DMD: variants seen among roughly 807,000 people sequenced by gnomAD.
The protein encoded by DMD is mutant dystrophin.
DMD carries 63 observed loss-of-function variants against 330.1 expected under a neutral mutation model. The ratio of observed to expected loss-of-function variants is 0.19; its 90% CI spans 0.16 to 0.24. The LOEUF (loss-of-function observed/expected upper bound fraction) is 0.24, where lower values mean the gene tolerates loss of function less well. DMD is among the 10% of genes least tolerant of loss of function. DMD has a pLI of 1.00. For synonymous variants in DMD, 1,223 were observed against 959.8 expected (o/e 1.27, Z -5.07); for missense variants, 3,344 against 2,684.1 (o/e 1.25, Z -5.43).
At chrX:32,720,346 T>C (rs2066159715) in intron 7 of DMD, among the ~76,000 whole-genome samples, 2 of 111,843 alleles carry the variant, frequency 1.8e-5, no homozygotes, top group African/African-American at 6.5e-5. Flanking sequence ...TGGTCACAGA[T>C]GGAACACATC....
At chrX:33,272,664 GAA>G (rs113135101) in intron 1 of DMD, among the ~76,000 whole-genome samples, 8,524 of 84,588 alleles carry the variant, frequency 0.1, 767 homozygotes, top group African/African-American at 0.28. Context: ...ACATCAAAAT[GAA>G]AAAAAAAAAA....
At chrX:32,940,548 A>T (rs540326626) in intron 2 of DMD, among the ~76,000 whole-genome samples, 1 of 111,832 alleles carries the variant, frequency 8.9e-6, no homozygotes, top group South Asian at 3.7e-4. Flanking sequence ...AAAGTTGACA[A>T]AAATAAGCAA....
intron 60 of DMD, among the ~76,000 whole-genome samples, chrX:31,441,005 A>T (rs1437902275): frequency 8.9e-6 from 1 of 112,235 alleles, no homozygotes; most frequent in Non-Finnish European, 1.9e-5. Flanking sequence ...CTAAAAAACT[A>T]GCATGGCTTT....
At position 32,573,878 on chromosome X, in the gene DMD, C is replaced by A. The variant is rs374498765; in HGVS notation, c.1603-32G>T. ...AAGAGACAATCAAGCACAGCATCAG[C>A]AAACAATTGGTAACTACGTTTTATT... On this transcript the variant is annotated intron_variant, in intron 13 of 78. Coordinates refer to ENST00000357033, the MANE Select transcript of DMD (RefSeq NM_004006.3). 4.4e-6 allele frequency: 5 copies of A among 1,123,796 alleles called. No individual in the cohort carries two copies. In the African/African-American group the frequency reaches 7.2e-5, roughly 16 times the overall value. 92.6% of individuals were successfully genotyped at this position (1,123,796 alleles called of 1,213,427 possible). A position where few individuals can be genotyped will look rare whatever the true frequency, so the allele number is the denominator to read the frequency against.
chrX:31,784,347 A>G (rs1469192797), intron 50 of DMD, among the ~76,000 whole-genome samples: 2 of 111,880 alleles, frequency 1.8e-5, no homozygotes, highest in Non-Finnish European at 3.8e-5. Context: ...AGAAAATAAC[A>G]TGTGCTGGCA....
chrX:31,279,806 T>C (rs898993664), intron 62 of DMD, among the ~76,000 whole-genome samples: 6 of 112,796 alleles, frequency 5.3e-5, no homozygotes, highest in African/African-American at 9.7e-5. Flanking sequence ...CATTGTGTTA[T>C]AGAGTTTATG....
intron 1 of DMD, among the ~76,000 whole-genome samples, chrX:33,064,751 T>C (rs2094628293): frequency 1.8e-5 from 2 of 110,512 alleles, no homozygotes; most frequent in Admixed American, 1.9e-4. Context: ...TAGCCGGGCA[T>C]GGTGGCAAGT....
chrX:31,203,906 T>A, intron 67 of DMD, 55 bp downstream of exon 67: 1 of 1,105,358 alleles, frequency 9.0e-7, no homozygotes. Flanking sequence ...GGTTTTTTAA[T>A]TAATTTCTAA....
At position 32,491,501 on chromosome X, in the gene DMD, T is replaced by C. The variant is rs2042995122; in HGVS notation, c.2398A>G (p.Ser800Gly). The C allele has an allele frequency of 8.3e-7, 1 of 1,209,755 alleles. No individual in the cohort carries two copies. The highest frequency in any genetic ancestry group is 1.1e-6 in the Non-Finnish European group (1 of 894,141). ...QMVNEGVNAD[S>G]IKQASEQLNS... The stretch of plus-strand genomic sequence containing the variant: ...AGTTGTTCTGAGGCTTGTTTGATGC[T>C]ATCTGCATTAACACCCTCTAGAAAG... The change falls in exon 20 of 79, where the codon AGC becomes GGC. Residue 800 changes from serine to glycine, a missense_variant. Coordinates refer to ENST00000357033, the MANE Select transcript of DMD (RefSeq NM_004006.3).
At chrX:32,642,868 C>A (rs1367535521) in intron 11 of DMD, among the ~76,000 whole-genome samples, 1 of 111,102 alleles carries the variant, frequency 9.0e-6, no homozygotes, top group East Asian at 2.8e-4. Flanking sequence ...ATGGCAAGGA[C>A]AGTAAAGAGG....
intron 54 of DMD, among the ~76,000 whole-genome samples, chrX:31,636,127 G>C (rs1233712458): frequency 9.0e-6 from 1 of 111,564 alleles, no homozygotes; most frequent in Non-Finnish European, 1.9e-5. Flanking sequence ...TCACTTATTA[G>C]TGGGAGCTAA....
chrX:33,210,601 T>C (rs187722836), intron 1 of DMD, among the ~76,000 whole-genome samples: 48 of 111,809 alleles, frequency 4.3e-4, no homozygotes, highest in Non-Finnish European at 7.5e-4. Context: ...CAAGTTTGTA[T>C]GTCGTTTACC....
chrX:32,505,040 AG>A lies in DMD; in HGVS notation c.2293-3199del, dbSNP rs1413733818. Among the ~76,000 whole-genome samples the A allele has an allele frequency of 4.5e-5, 5 of 112,199 alleles. No homozygotes were observed. In the East Asian group the frequency reaches 1.4e-3, roughly 31 times the overall value. Reference sequence around the variant, plus strand: ...TAATAATGAATCAATCACAGACTCTAGAGTAAAATGTAAAACTATAAAACTC... The same window carrying A: ...TAATAATGAATCAATCACAGACTCTAAGTAAAATGTAAAACTATAAAACTC... On this transcript the variant is annotated intron_variant, in intron 18 of 78. Transcript: ENST00000357033.
intron 7 of DMD, among the ~76,000 whole-genome samples, chrX:32,771,571 ACTATT>A (rs2073609628): frequency 1.8e-5 from 2 of 109,605 alleles, no homozygotes; most frequent in African/African-American, 6.9e-5. Flanking sequence ...TTTTCAAACT[ACTATT>A]ATATCAAGGG....
intron 43 of DMD, among the ~76,000 whole-genome samples, chrX:32,265,056 A>T (rs139414875): frequency 0.024 from 2,678 of 112,538 alleles, 83 homozygotes; most frequent in African/African-American, 0.081. Flanking sequence ...CCAAATGTTA[A>T]TCACCAAGGC....
intron 55 of DMD, among the ~76,000 whole-genome samples, chrX:31,580,914 A>C (rs1446595545): frequency 8.9e-6 from 1 of 111,903 alleles, no homozygotes; most frequent in African/African-American, 3.3e-5. Flanking sequence ...ACACGACTTA[A>C]TGTAATGCTT....
intron 44 of DMD, among the ~76,000 whole-genome samples, chrX:32,053,515 T>A (rs764625759): frequency 9.0e-6 from 1 of 111,410 alleles, no homozygotes; most frequent in Non-Finnish European, 1.9e-5. Flanking sequence ...TTAGCACAGC[T>A]GGCAAAGCTC....
chrX:33,291,874 T>A (rs1428535175), intron 1 of DMD, among the ~76,000 whole-genome samples: 1 of 112,036 alleles, frequency 8.9e-6, no homozygotes, highest in Non-Finnish European at 1.9e-5. Context: ...AAATCTTATA[T>A]AATTTATTTG....
At chrX:32,416,062 T>C (rs748471549) in intron 29 of DMD, among the ~76,000 whole-genome samples, 1 of 111,918 alleles carries the variant, frequency 8.9e-6, no homozygotes, top group South Asian at 3.6e-4. Context: ...TAAATCAAAG[T>C]GTAGCATGTC....
Sources: gnomAD v4.1 joint callset for allele counts (sites outside exome capture counted in the v4.1 genomes callset) on GRCh38, gnomAD v4.1.1 for gene constraint, MANE v1.5 for transcripts, NCBI Gene and HGNC (gene_info 2026-07-23, HGNC 2026-07-21) for gene names.